The following TMEM117 variants were observed in gnomAD, a reference collection of about 807,000 sequenced individuals.
TMEM117 encodes transmembrane protein 117.
In TMEM117, 27 loss-of-function variants were observed where a neutral mutation model predicts 52.4. The observed-to-expected ratio is 0.51, with a 90% CI of 0.38 to 0.71. TMEM117 has a LOEUF of 0.71. Among genes scored for constraint, TMEM117 ranks in the 30% least tolerant of loss-of-function variants. The probability of loss-of-function intolerance (pLI) is 0.00; values close to 1 mark genes in which losing one functional copy is unlikely to be tolerated. For missense variants in TMEM117, 556 were observed against 630.5 expected, an observed-to-expected ratio of 0.88 and a Z score of 1.26; for synonymous variants, 215 against 206.3, an observed-to-expected ratio of 1.04 and a Z score of -0.36.
chr12:44,363,433 T>G (rs1252647481), intron 6 of TMEM117, among the ~76,000 whole-genome samples: 2 of 152,218 alleles, frequency 1.3e-5, no homozygotes, highest in Non-Finnish European at 2.9e-5. Context: ...AAGGAAGATG[T>G]ATTTCCTTTC....
At chr12:44,244,243 A>G (rs370261698) in intron 5 of TMEM117, among the ~76,000 whole-genome samples, 3 of 152,014 alleles carry the variant, frequency 2.0e-5, no homozygotes, top group Non-Finnish European at 4.4e-5. Flanking sequence ...TCCCACCAAC[A>G]GTGTCCAAGG....
At chr12:43,998,005 G>A (rs747289865) in intron 3 of TMEM117, among the ~76,000 whole-genome samples, 20 of 152,160 alleles carry the variant, frequency 1.3e-4, no homozygotes, top group Non-Finnish European at 2.1e-4. Context: ...AACTGCATAG[G>A]GAGAGGGAGA....
intron 5 of TMEM117, among the ~76,000 whole-genome samples, chr12:44,264,859 A>G (rs747520717): frequency 3.3e-5 from 5 of 152,194 alleles, no homozygotes; most frequent in Admixed American, 6.5e-5. Flanking sequence ...AGCATTTACT[A>G]AAGTTTTAAG....
chr12:44,180,116 G>T (rs1949171003), intron 4 of TMEM117, among the ~76,000 whole-genome samples: 1 of 152,044 alleles, frequency 6.6e-6, no homozygotes, highest in Non-Finnish European at 1.5e-5. Context: ...TTCAAAAAAG[G>T]CACCAAAAAA....
At chr12:44,347,201 T>C (rs1951500089) in intron 6 of TMEM117, among the ~76,000 whole-genome samples, 1 of 152,072 alleles carries the variant, frequency 6.6e-6, no homozygotes, top group South Asian at 2.1e-4. Flanking sequence ...GTTTTCTAGA[T>C]TAAAAGTTTG....
chr12:44,099,759 C>A (rs1370682287), intron 3 of TMEM117, among the ~76,000 whole-genome samples: 2 of 151,834 alleles, frequency 1.3e-5, no homozygotes, highest in Non-Finnish European at 1.5e-5. Context: ...GAGAAAGAAA[C>A]AGAATAAGAA....
chr12:44,188,891 C>A (rs7312930), intron 4 of TMEM117, among the ~76,000 whole-genome samples: 21 of 151,894 alleles, frequency 1.4e-4, no homozygotes, highest in African/African-American at 4.8e-4. Context: ...GATGTAGCCC[C>A]AGTCTAGAAA....
At chr12:43,804,495 C>A in the TMEM117 span, 2 of 1,573,384 alleles carry the variant, frequency 1.3e-6, no homozygotes, top group Admixed American at 1.7e-5. Context: ...TTTAACTAAC[C>A]ATTTTCAATA....
intron 3 of TMEM117, among the ~76,000 whole-genome samples, chr12:43,959,799 A>T (rs6582492): frequency 0.95 from 145,236 of 152,216 alleles, 69,660 homozygotes; most frequent in East Asian, 1. Context: ...TAAGAAAAAA[A>T]TTAAATTTAA....
intron 6 of TMEM117, among the ~76,000 whole-genome samples, chr12:44,364,836 G>A (rs956438604): frequency 2.6e-5 from 4 of 152,050 alleles, no homozygotes; most frequent in Non-Finnish European, 5.9e-5. Flanking sequence ...ATGCACAGCC[G>A]CAGTATGTTG....
chr12:43,840,439 G>GA (rs1413530402), intron 1 of TMEM117, among the ~76,000 whole-genome samples: 1 of 152,220 alleles, frequency 6.6e-6, no homozygotes, highest in African/African-American at 2.4e-5. Flanking sequence ...AGAGGGAGTT[G>GA]AGGGGGGGTG....
At chr12:43,996,503 C>T (rs376865006) in intron 3 of TMEM117, among the ~76,000 whole-genome samples, 21 of 151,972 alleles carry the variant, frequency 1.4e-4, no homozygotes, top group African/African-American at 4.6e-4. Flanking sequence ...ATTAGCTGGG[C>T]GTGGTGGCGG....
intron 6 of TMEM117, among the ~76,000 whole-genome samples, chr12:44,328,107 C>A (rs528882474): frequency 1.3e-5 from 2 of 152,250 alleles, no homozygotes; most frequent in African/African-American, 4.8e-5. Context: ...AAAACCCTAG[C>A]TTTTTCTCCA....
At chr12:43,818,420 G>GT in the TMEM117 span, among the ~76,000 whole-genome samples, 13,204 of 142,484 alleles carry the variant, frequency 0.093, 692 homozygotes, top group African/African-American at 0.13. Context: ...ATTTGTATCT[G>GT]TTTTTTTTTT....
intron 6 of TMEM117, among the ~76,000 whole-genome samples, chr12:44,303,377 C>G (rs147151333): frequency 2.0e-5 from 3 of 152,124 alleles, no homozygotes; most frequent in African/African-American, 7.2e-5. Flanking sequence ...TAAAAGAAAC[C>G]ATTAGAATTT....
At chr12:44,056,676 T>C (rs1947059646) in intron 3 of TMEM117, among the ~76,000 whole-genome samples, 2 of 152,166 alleles carry the variant, frequency 1.3e-5, no homozygotes, top group Admixed American at 1.3e-4. Context: ...AAACCAGTAA[T>C]AGGCTGCCCA....
At chr12:43,988,185 A>G (rs1945879344) in intron 3 of TMEM117, among the ~76,000 whole-genome samples, 1 of 152,124 alleles carries the variant, frequency 6.6e-6, no homozygotes, top group African/African-American at 2.4e-5. Context: ...AAAATAAGAT[A>G]CTGTGTGGTA....
intron 2 of TMEM117, among the ~76,000 whole-genome samples, chr12:43,863,260 C>CAACA (rs552729456): frequency 6.5e-4 from 58 of 89,074 alleles, no homozygotes; most frequent in Middle Eastern, 5.6e-3. Flanking sequence ...ACAGCAACAA[C>CAACA]AACAAACAAA....
intron 3 of TMEM117, among the ~76,000 whole-genome samples, chr12:44,024,297 A>T (rs938656553): frequency 6.6e-6 from 1 of 152,144 alleles, no homozygotes; most frequent in African/African-American, 2.4e-5. Flanking sequence ...CCTTTGATGG[A>T]TAATGAAGTC....
Sources: allele counts gnomAD v4.1 joint callset (sites outside exome capture counted in the v4.1 genomes callset), GRCh38; gene constraint gnomAD v4.1.1; transcripts MANE v1.5; gene names NCBI Gene and HGNC (gene_info 2026-07-23, HGNC 2026-07-21).